The following SIM2 variants were observed in gnomAD, a reference collection of about 807,000 sequenced individuals.
SIM2 encodes the protein single-minded homolog 2.
A neutral mutation model predicts 64.8 loss-of-function variants in SIM2; 28 were observed. The ratio of observed to expected loss-of-function variants is 0.43; its 90% CI spans 0.32 to 0.59. SIM2 has a LOEUF of 0.59. Among genes scored for constraint, SIM2 ranks in the 20% least tolerant of loss-of-function variants. The probability of loss-of-function intolerance (pLI) is 0.07; values close to 1 mark genes in which losing one functional copy is unlikely to be tolerated. For missense variants in SIM2, 847 were observed against 871.4 expected (o/e 0.97, Z 0.35); for synonymous variants, 408 against 391.1 (o/e 1.04, Z -0.51).
In SIM2 at chr21:36,726,230, C is replaced by T. The variant is rs2088889372; in HGVS notation, c.655C>T (p.Pro219Ser). The T allele has an allele frequency of 6.2e-7, 1 of 1,613,830 alleles. No homozygotes were observed. Among genetic ancestry groups the T allele is most frequent in the Non-Finnish European group, 8.5e-7 (1 of 1,180,026 alleles). Reference sequence around the variant, plus strand: ...GGTGGCCGTGGGCCAGTCGCTGCCACCCAGTGCCATCACCGAGATCAAGCT... The same window carrying T: ...GGTGGCCGTGGGCCAGTCGCTGCCATCCAGTGCCATCACCGAGATCAAGCT... ...GLVAVGQSLP[P>S]SAITEIKLYS... Residue 219 changes from proline (P) to serine (S), a missense_variant, in exon 6 of 11, where the codon CCC (proline) becomes TCC (serine). This residue lies in a region of SIM2 where 397 missense variants were observed against 439.2 expected (regional missense o/e 0.90). Transcript: ENST00000290399. This position sits in a 1 kb window ranked among gnomAD's most constrained non-coding sequence, Gnocchi z 4.5.
chr21:36,740,499 C>G (rs1024036647), intron 7 of SIM2, among the ~76,000 whole-genome samples: 1 of 152,188 alleles, frequency 6.6e-6, no homozygotes, highest in South Asian at 2.1e-4. Flanking sequence ...TCAATCTGTA[C>G]GAACCCCCTA....
intron 5 of SIM2, among the ~76,000 whole-genome samples, chr21:36,724,905 G>A (rs1408605019): frequency 1.3e-5 from 2 of 152,142 alleles, no homozygotes; most frequent in African/African-American, 2.4e-5. Context: ...GTTTGACACC[G>A]AAACACTGCA....
chr21:36,709,125 C>A (rs751297546), intron 1 of SIM2, 43 bp from the exon 2 acceptor site: 1 of 1,550,940 alleles, frequency 6.4e-7, no homozygotes, highest in Non-Finnish European at 8.8e-7. Flanking sequence ...AGGCATCGGG[C>A]TGGGCGCTGC....
chr21:36,715,504 C>T (rs1391332298), intron 3 of SIM2, among the ~76,000 whole-genome samples: 1 of 152,064 alleles, frequency 6.6e-6, no homozygotes, highest in African/African-American at 2.4e-5. Context: ...GTCAGAGTAA[C>T]CTTTTAAAAA....
intron 1 of SIM2, among the ~76,000 whole-genome samples, chr21:36,705,998 G>A (rs2088574869): frequency 6.6e-6 from 1 of 152,168 alleles, no homozygotes; most frequent in South Asian, 2.1e-4. Flanking sequence ...GTCTCCCTTA[G>A]GTGCCCTCAT....
In SIM2 at chr21:36,747,758, C is replaced by G; in HGVS notation, c.1670C>G (p.Pro557Arg). ...GHYREEPALGPAKAARQAARD... is the reference protein window; with the variant it reads ...GHYREEPALGRAKAARQAARD... ...TACCGCGAGGAGCCCGCGCTGGGCC[C>G]GGCCAAAGCCGCCCGCCAGGCCGCC... The change falls in exon 11 of 11, where the codon CCG (proline) becomes CGG (arginine). Residue 557 changes from proline to arginine, a missense_variant. By Grantham distance (103) the Pro-to-Arg change is moderately radical (BLOSUM62 -2). This residue lies in a region of SIM2 where 447 missense variants were observed against 414.6 expected (regional missense o/e 1.08). Transcript: ENST00000290399. The surrounding 1 kb of genome is among the most constrained non-coding windows in gnomAD (Gnocchi z 4.5). 3.4e-6 allele frequency: 4 copies of G among 1,163,838 alleles called. No homozygotes were observed. The highest frequency in any genetic ancestry group is 1.6e-5 in the African/African-American group (1 of 61,498). 72.1% of individuals were successfully genotyped at this position (1,163,838 alleles called of 1,614,324 possible). A position where few individuals can be genotyped will look rare whatever the true frequency, so the allele number is the denominator to read the frequency against.
At chr21:36,718,651 G>A (rs2088777468) in intron 3 of SIM2, among the ~76,000 whole-genome samples, 2 of 152,136 alleles carry the variant, frequency 1.3e-5, no homozygotes. Context: ...GACTCCCCTT[G>A]GTGGTGGAGG....
At chr21:36,702,282 G>A (rs1236229790) in intron 1 of SIM2, among the ~76,000 whole-genome samples, 1 of 152,206 alleles carries the variant, frequency 6.6e-6, no homozygotes, top group Admixed American at 6.5e-5. Flanking sequence ...CTTTTGGAGG[G>A]GGTGACCCTG....
In SIM2 at chr21:36,745,665, T is replaced by C. The variant is rs2089219843; in HGVS notation, c.1576+529T>C. On this transcript the variant is annotated intron_variant, in intron 10 of 10. Transcript: ENST00000290399. The surrounding 1 kb of genome is among the most constrained non-coding windows in gnomAD (Gnocchi z 4.8). ...AGAACACAAACCCTCCAGGCCTCAG[T>C]TTCTTCACCTGTAAAATGGGGTGAA... 5.0e-6 allele frequency: 6 copies of C among 1,188,506 alleles called. No homozygotes were observed. Among genetic ancestry groups the C allele is most frequent in the Non-Finnish European group, 6.5e-6 (6 of 924,724 alleles). The allele number at this position is 1,188,506 out of a possible 1,614,324, so 73.6% of individuals were successfully genotyped here.
At chr21:36,741,604 C>T in intron 7 of SIM2, 113 bp from the exon 8 acceptor site, 1 of 1,246,970 alleles carries the variant, frequency 8.0e-7, no homozygotes, top group East Asian at 2.5e-5. Context: ...AAAGCCCGCC[C>T]CCTTTGTCAA....
At chr21:36,703,403 G>C (rs1022388003) in intron 1 of SIM2, among the ~76,000 whole-genome samples, 15 of 152,172 alleles carry the variant, frequency 9.9e-5, no homozygotes, top group Admixed American at 3.3e-4. Context: ...TGAAGGGTGA[G>C]GTCCCACAAG....
chr21:36,717,055 T>A (rs2123444743), intron 3 of SIM2, among the ~76,000 whole-genome samples: 1 of 152,320 alleles, frequency 6.6e-6, no homozygotes, highest in Non-Finnish European at 1.5e-5. Flanking sequence ...CTCTGGAGTT[T>A]TCCCGTTCGT....
intron 7 of SIM2, among the ~76,000 whole-genome samples, chr21:36,740,614 C>T (rs1403074184): frequency 6.6e-6 from 1 of 152,184 alleles, no homozygotes; most frequent in African/African-American, 2.4e-5. Context: ...CGTAAAGGGC[C>T]ACAGACAGCC....
At position 36,715,443 on chromosome 21, in the gene SIM2, AT is replaced by A. The variant is rs951276179; in HGVS notation, c.348+2829del. On this transcript the variant is annotated intron_variant, in intron 3 of 10. Coordinates refer to ENST00000290399, the MANE Select transcript of SIM2 (RefSeq NM_005069.6). ...GACCTTTATTAAAATGGGCTTAAAC[AT>A]TTTTTTTAAGTCATGAGAGATAAAA... is the stretch of plus-strand genomic sequence containing the variant. Among the ~76,000 whole-genome samples, 24 of 152,150 alleles carry A rather than the reference AT, an allele frequency of 1.6e-4. 1 individual carries two copies. Among genetic ancestry groups the A allele is most frequent in the East Asian group, 3.9e-4 (2 of 5,186 alleles).
chr21:36,707,814 C>G (rs375109377), intron 1 of SIM2, among the ~76,000 whole-genome samples: 2 of 152,030 alleles, frequency 1.3e-5, no homozygotes, highest in Non-Finnish European at 2.9e-5. Context: ...AAGGGCTTTG[C>G]GGCCCCGGGA....
At chr21:36,709,124 G>T (rs1435853396) in intron 1 of SIM2, 44 bp from the exon 2 acceptor site, 3 of 1,546,180 alleles carry the variant, frequency 1.9e-6, no homozygotes, top group Middle Eastern at 1.7e-4. Flanking sequence ...CAGGCATCGG[G>T]CTGGGCGCTG....
At chr21:36,736,956 T>C (rs1424557089) in intron 7 of SIM2, among the ~76,000 whole-genome samples, 1 of 152,008 alleles carries the variant, frequency 6.6e-6, no homozygotes, top group African/African-American at 2.4e-5. Context: ...AGACAGGGTC[T>C]CACTCTGTCA....
chr21:36,716,098 G>A (rs1001091113), intron 3 of SIM2, among the ~76,000 whole-genome samples: 1 of 152,200 alleles, frequency 6.6e-6, no homozygotes, highest in Non-Finnish European at 1.5e-5. Flanking sequence ...CACACACAAA[G>A]CATCTAGACA....
In SIM2 at chr21:36,744,822, T is replaced by C. The variant is rs2123507432; in HGVS notation, c.1262T>C (p.Leu421Pro). Residue 421 changes from leucine (L) to proline (P), a missense_variant, in exon 10 of 11, where the codon CTG becomes CCG. Physicochemically the swap from Leu to Pro is moderately conservative, Grantham distance 98. Around this residue, in one of 3 missense-constraint regions of SIM2, gnomAD observed 447 missense variants for 414.6 expected, o/e 1.08. Transcript: ENST00000290399. ...PPASAAAPPE[L>P]QPHSESSDLL... The stretch of plus-strand genomic sequence containing the variant: ...GCAAGCGCTGCTGCTCCTCCAGAAC[T>C]GCAGCCCCACTCAGAAAGCAGTGAC... The C allele has an allele frequency of 1.2e-6, 2 of 1,614,194 alleles. No individual in the cohort carries two copies. Among genetic ancestry groups the C allele is most frequent in the Non-Finnish European group, 1.7e-6 (2 of 1,180,028 alleles).
Sources: allele counts gnomAD v4.1 joint callset (sites outside exome capture counted in the v4.1 genomes callset), GRCh38; gene constraint gnomAD v4.1.1; regional missense constraint gnomAD v4.1.1; non-coding constraint Gnocchi (gnomAD v3.1); transcripts MANE v1.5; gene names NCBI Gene and HGNC (gene_info 2026-07-23, HGNC 2026-07-21).